The following YTHDC1 variants were observed in gnomAD, a reference collection of about 807,000 sequenced individuals.
YTHDC1 encodes YTH N6-methyladenosine RNA binding protein C1.
A neutral mutation model predicts 107.0 loss-of-function variants in YTHDC1; 12 were observed. The observed-to-expected ratio is 0.11, with a 90% confidence interval of 0.07 to 0.18. The LOEUF is 0.18. Ranked by LOEUF, YTHDC1 falls within the 10% of genes least tolerant of loss-of-function variation. The pLI is 1.00. For synonymous variants in YTHDC1, 280 were observed against 289.5 expected, an observed-to-expected ratio of 0.97 and a Z score of 0.33; for missense variants, 635 against 898.8, an observed-to-expected ratio of 0.71 and a Z score of 3.75.
rs1314324704 is a variant in YTHDC1, at chr4:68,313,762, TC to T, written c.*336del. 5.8e-5 allele frequency: 15 copies of T among 257,458 alleles called. No homozygotes were observed. In the Admixed American group the frequency reaches 6.9e-4, roughly 12 times the overall value. 15.9% of individuals were successfully genotyped at this position (257,458 alleles called of 1,614,324 possible). ...ATATCATGGCAGTTATCAATCAAGA[TC>T]CAAAAAGGAAAAAAACAAACAAAAA... On this transcript the variant is annotated 3_prime_UTR_variant, in exon 17 of 17. Transcript: ENST00000344157.
chr4:68,319,955 G>T (rs538771039), intron 12 of YTHDC1, among the ~76,000 whole-genome samples, 168 bp downstream of exon 12: 66 of 152,158 alleles, frequency 4.3e-4, no homozygotes, highest in Middle Eastern at 6.8e-3. Flanking sequence ...ACGAAGTTAA[G>T]GGAAGAATTA....
chr4:68,342,338 T>C (rs1724900040), intron 1 of YTHDC1, among the ~76,000 whole-genome samples: 1 of 151,666 alleles, frequency 6.6e-6, no homozygotes, highest in Admixed American at 6.6e-5. Flanking sequence ...TGATTACTCA[T>C]TACTATGGCA....
In YTHDC1 at chr4:68,332,168, G is replaced by A; in HGVS notation, c.1057C>T (p.Gln353Ter). Residue 353 changes from glutamine (Q) to a stop codon, truncating the protein, a stop_gained, in exon 7 of 17, where the codon CAA becomes TAA. Coordinates refer to ENST00000344157, the MANE Select transcript of YTHDC1 (RefSeq NM_001031732.4). LOFTEE classifies it high-confidence loss of function. Reference protein sequence around the residue: ...DQTSKLKYVLQDARFFLIKSN... With the variant: ...DQTSKLKYVL The stretch of plus-strand genomic sequence containing the variant: ...TTTATGAGGAAAAATCTTGCATCTT[G>A]AAGCACATATTTGAGTTTACTGGTT... 6.2e-7 allele frequency: 1 copy of A among 1,606,974 alleles called. No homozygotes were observed. Among genetic ancestry groups the A allele is most frequent in the Non-Finnish European group, 8.5e-7 (1 of 1,176,562 alleles).
At position 68,314,051 on chromosome 4, in the gene YTHDC1, AT is replaced by A. The variant is rs777521762; in HGVS notation, c.*47del. 19 of 1,578,266 alleles carry A rather than the reference AT, an allele frequency of 1.2e-5. No homozygotes were observed. The East Asian group carries it at 3.6e-4, about 30-fold the overall frequency. On this transcript the variant is annotated 3_prime_UTR_variant, in exon 17 of 17. Transcript: ENST00000344157. The stretch of plus-strand genomic sequence containing the variant: ...ACTTGTAAACACACACAAAAAAAAA[AT>A]ACAAGATTTTTTGTATCTTTAAACA...
Position 68,311,109 on chromosome 4 carries a change from CAAAG to C in YTHDC1, c.*2986_*2989del, listed in dbSNP as rs1339261110. 2 of 152,122 alleles carry C rather than the reference CAAAG, an allele frequency of 1.3e-5. No individual in the cohort carries two copies. Among genetic ancestry groups the C allele is most frequent in the South Asian group, 2.1e-4 (1 of 4,826 alleles). 9.4% of individuals were successfully genotyped at this position (152,122 alleles called of 1,614,324 possible). A position where few individuals can be genotyped will look rare whatever the true frequency, so the allele number is the denominator to read the frequency against. ...TCTCTTGCTTCCCAATGCTGGGAGA[CAAAG>C]AACCCCATTTCCTTGGAAATACAGA... On this transcript the variant is annotated 3_prime_UTR_variant, in exon 17 of 17. Transcript: ENST00000344157.
chr4:68,314,312 A>T lies in YTHDC1; in HGVS notation c.1971T>A (p.Asp657Glu). ...RYRDKRVHDY[D>E]MRVDDFLRRT... is the part of the protein sequence containing the mutation. ...GACGAAGGAAATCATCCACCCTCATATCATAATCATGCTAGAAAAGGAAAG... is the reference window on the plus strand; with the variant it reads ...GACGAAGGAAATCATCCACCCTCATTTCATAATCATGCTAGAAAAGGAAAG... The change falls in exon 17 of 17, where the codon GAT becomes GAA. Residue 657 changes from aspartate to glutamate, a missense_variant. Coordinates refer to ENST00000344157, the MANE Select transcript of YTHDC1 (RefSeq NM_001031732.4). The T allele has an allele frequency of 6.2e-7, 1 of 1,613,986 alleles. No homozygotes were observed. Among genetic ancestry groups the T allele is most frequent in the Non-Finnish European group, 8.5e-7 (1 of 1,179,996 alleles).
rs989024622 is a variant in YTHDC1 at position 68,311,008 on chromosome 4, A to G, written c.*3091T>C. 2.0e-5 allele frequency: 3 copies of G among 152,190 alleles called. No individual in the cohort carries two copies. The highest frequency in any genetic ancestry group is 4.4e-5 in the Non-Finnish European group (3 of 68,042). 9.4% of individuals were successfully genotyped at this position (152,190 alleles called of 1,614,324 possible). On this transcript the variant is annotated 3_prime_UTR_variant, in exon 17 of 17. Transcript: ENST00000344157. ...GATCCTGATTTAATGGACATCTGCTAAATTTCCTCTGTCCATGTCTTTTGG... is the reference window on the plus strand; with the variant it reads ...GATCCTGATTTAATGGACATCTGCTGAATTTCCTCTGTCCATGTCTTTTGG...
intron 6 of YTHDC1, 28 bp downstream of exon 6, chr4:68,332,766 T>G (rs376664656): frequency 1.2e-6 from 2 of 1,605,792 alleles, no homozygotes; most frequent in Non-Finnish European, 1.7e-6. Flanking sequence ...CAGCATGCAA[T>G]GAAAACAATT....
Position 68,337,188 on chromosome 4 carries a change from TC to T in YTHDC1, c.721del (p.Glu241ArgfsTer120). ...TTCTTCTTCTTCCTCCTCCTCCTCC[TC>T]CTCTTCCTCCTCCTCCTCTTCCTCC... ...EEEEEEEEEEEEEEEEEEEYE... is the reference protein window; with the variant it reads ...EEEEEEEEEEXEEEEEEEEYE... On this transcript the variant is annotated frameshift_variant, in exon 4 of 17. Coordinates refer to ENST00000344157, the MANE Select transcript of YTHDC1 (RefSeq NM_001031732.4). LOFTEE classifies it high-confidence loss of function. The T allele has an allele frequency of 2.5e-6, 4 of 1,603,162 alleles. No homozygotes were observed. The highest frequency in any genetic ancestry group is 3.4e-6 in the Non-Finnish European group (4 of 1,170,860).
At chr4:68,332,971 C>A in intron 5 of YTHDC1, 124 bp from the exon 6 acceptor site, 2 of 806,680 alleles carry the variant, frequency 2.5e-6, no homozygotes, top group Admixed American at 2.9e-5. Context: ...CACCCACACA[C>A]ACAAAAAAAA....
chr4:68,315,736 G>A (rs1293572842), intron 16 of YTHDC1: 1 of 152,014 alleles, frequency 6.6e-6, no homozygotes, highest in African/African-American at 2.4e-5. Context: ...ATCAAAAAAA[G>A]CTTTCACATC....
At chr4:68,346,426 T>A (rs1359327130) in intron 1 of YTHDC1, among the ~76,000 whole-genome samples, 1 of 152,124 alleles carries the variant, frequency 6.6e-6, no homozygotes, top group African/African-American at 2.4e-5. Context: ...CCCTCACTTA[T>A]CCAAGGTTTT....
Position 68,337,913 on chromosome 4 carries a change from ATG to A in YTHDC1, c.131-15_131-14del. On this transcript the variant is annotated splice_polypyrimidine_tract_variant and intron_variant, in intron 2 of 16. Coordinates refer to ENST00000344157, the MANE Select transcript of YTHDC1 (RefSeq NM_001031732.4). ...TTTCTTTTTGATCCTTTAAAATACA[ATG>A]TAAAAAAAAAAAAAAGAAGTATTTG... 1.9e-6 allele frequency: 3 copies of A among 1,588,156 alleles called. No homozygotes were observed. The highest frequency in any genetic ancestry group is 1.4e-5 in the African/African-American group (1 of 71,804).
At chr4:68,332,911 C>T in intron 5 of YTHDC1, 64 bp from the exon 6 acceptor site, 1 of 1,359,408 alleles carries the variant, frequency 7.4e-7, no homozygotes, top group South Asian at 1.2e-5. Flanking sequence ...AAAATTTCTA[C>T]AGTCTTGTCA....
intron 9 of YTHDC1, among the ~76,000 whole-genome samples, chr4:68,329,761 T>C (rs1723374135): frequency 6.6e-6 from 1 of 152,230 alleles, no homozygotes; most frequent in African/African-American, 2.4e-5. Flanking sequence ...ATTATACAGA[T>C]ACGCCAGACA....
In YTHDC1 at chr4:68,337,190, CTCT is replaced by C. The variant is rs1007952980; in HGVS notation, c.717_719del (p.Glu249del). The C allele has an allele frequency of 1.2e-5, 19 of 1,583,446 alleles. No individual in the cohort carries two copies. Among genetic ancestry groups the C allele is most frequent in the African/African-American group, 2.7e-5 (2 of 74,202 alleles). On this transcript the variant is annotated inframe_deletion, in exon 4 of 17. Transcript: ENST00000344157. Reference sequence around the variant, plus strand: ...CTTCTTCTTCCTCCTCCTCCTCCTCCTCTTCCTCCTCCTCCTCTTCCTCCTCCT... The same window carrying C: ...CTTCTTCTTCCTCCTCCTCCTCCTCCTCCTCCTCCTCCTCTTCCTCCTCCT...
intron 1 of YTHDC1, among the ~76,000 whole-genome samples, chr4:68,346,078 C>CATAT (rs34633749): frequency 0.023 from 3,114 of 132,620 alleles, 69 homozygotes; most frequent in African/African-American, 0.03. Flanking sequence ...TGTGTGTGTA[C>CATAT]ATATATATAT....
chr4:68,316,441 T>C lies in YTHDC1; in HGVS notation c.1832A>G (p.Tyr611Cys). ...PPPPWQGMPP[Y>C]PGMEQPPHHP... ...GTGTGGAGGTTGTTCCATTCCTGGG[T>C]AAGGGGGCTAAAAAAGGAAAACCAT... Residue 611 changes from tyrosine (Y) to cysteine (C), a missense_variant, in exon 16 of 17, where the codon TAC (tyrosine) becomes TGC (cysteine). Transcript: ENST00000344157. The C allele has an allele frequency of 1.2e-6, 2 of 1,612,550 alleles. No homozygotes were observed. Among genetic ancestry groups the C allele is most frequent in the Non-Finnish European group, 1.7e-6 (2 of 1,179,462 alleles).
In YTHDC1 at chr4:68,349,835, C is replaced by G; in HGVS notation, c.-82G>C. On this transcript the variant is annotated 5_prime_UTR_variant, in exon 1 of 17. Transcript: ENST00000344157. ...GCGGGCGCCGCAGCCGCGGCAGAAG[C>G]ACGGGCCCGTCCGTCAGTCCGTCTG... 2.5e-6 allele frequency: 4 copies of G among 1,597,266 alleles called. No individual in the cohort carries two copies. The highest frequency in any genetic ancestry group is 3.4e-6 in the Non-Finnish European group (4 of 1,168,550).
Sources: allele counts gnomAD v4.1 joint callset (sites outside exome capture counted in the v4.1 genomes callset), GRCh38; gene constraint gnomAD v4.1.1; transcripts MANE v1.5; gene names NCBI Gene and HGNC (gene_info 2026-07-23, HGNC 2026-07-21).